ZFPM2: variants seen among roughly 807,000 people sequenced by gnomAD.
ZFPM2 encodes the protein zinc finger protein ZFPM2.
Under a neutral mutation model 98.6 loss-of-function variants are expected in ZFPM2, and 20 were observed. The observed-to-expected ratio is 0.20, with a 90% CI of 0.14 to 0.29. The LOEUF (loss-of-function observed/expected upper bound fraction) is 0.29, where lower values mean the gene tolerates loss of function less well. Among genes scored for constraint, ZFPM2 ranks in the 10% least tolerant of loss-of-function variants. ZFPM2 has a pLI of 1.00. For missense variants in ZFPM2, 1,310 were observed against 1,388.6 expected, an observed-to-expected ratio of 0.94 and a Z score of 0.90; for synonymous variants, 518 against 502.7, an observed-to-expected ratio of 1.03 and a Z score of -0.41.
chr8:105,454,144 G>A (rs1338632162), intron 3 of ZFPM2, among the ~76,000 whole-genome samples: 5 of 151,796 alleles, frequency 3.3e-5, no homozygotes, highest in African/African-American at 7.3e-5. Flanking sequence ...AAGTCTTTTC[G>A]AATGGAGAGC....
chr8:105,536,319 G>T (rs1814449519), intron 3 of ZFPM2, among the ~76,000 whole-genome samples: 1 of 151,720 alleles, frequency 6.6e-6, no homozygotes, highest in Non-Finnish European at 1.5e-5. Flanking sequence ...ATTATTATTG[G>T]TAGGTGATTG....
At chr8:105,518,122 T>C (rs1247514881) in intron 3 of ZFPM2, among the ~76,000 whole-genome samples, 1 of 152,192 alleles carries the variant, frequency 6.6e-6, no homozygotes, top group Non-Finnish European at 1.5e-5. Flanking sequence ...TAGACACCTT[T>C]TTTGAAACTA....
chr8:105,459,618 C>T (rs1180621328), intron 3 of ZFPM2, among the ~76,000 whole-genome samples: 1 of 152,160 alleles, frequency 6.6e-6, no homozygotes, highest in Non-Finnish European at 1.5e-5. Flanking sequence ...CTAGTGAGGC[C>T]TCTCTTCCTA....
At chr8:105,418,770 C>A in intron 1 of ZFPM2, 1 of 501,844 alleles carries the variant, frequency 2.0e-6, no homozygotes, top group South Asian at 1.5e-5. Flanking sequence ...AATTGTACAA[C>A]AGTGTAAAAG....
At chr8:105,503,403 G>A (rs1162490598) in intron 3 of ZFPM2, among the ~76,000 whole-genome samples, 2 of 152,112 alleles carry the variant, frequency 1.3e-5, no homozygotes, top group African/African-American at 2.4e-5. Flanking sequence ...ATATGCTGGT[G>A]AGCAATAATA....
chr8:105,800,572 AAT>A (rs1007099292), intron 7 of ZFPM2, among the ~76,000 whole-genome samples: 1 of 152,156 alleles, frequency 6.6e-6, no homozygotes, highest in African/African-American at 2.4e-5. Context: ...GCCTCTTTAG[AAT>A]ATAACCTATA....
chr8:105,406,374 C>T (rs924605372), intron 1 of ZFPM2, among the ~76,000 whole-genome samples: 5 of 152,042 alleles, frequency 3.3e-5, no homozygotes, highest in Non-Finnish European at 7.4e-5. Flanking sequence ...AAAGGATTCC[C>T]TATTTAATAA....
intron 1 of ZFPM2, among the ~76,000 whole-genome samples, chr8:105,369,417 G>T (rs1810575671): frequency 6.6e-6 from 1 of 152,068 alleles, no homozygotes; most frequent in Middle Eastern, 3.4e-3. Flanking sequence ...TTTTAACTTG[G>T]GTAATACTAT....
intron 2 of ZFPM2, among the ~76,000 whole-genome samples, chr8:105,422,830 T>C (rs895397320): frequency 2.6e-5 from 4 of 152,182 alleles, no homozygotes; most frequent in Admixed American, 2.0e-4. Context: ...CAACTGCATT[T>C]TATATAAAAC....
intron 3 of ZFPM2, among the ~76,000 whole-genome samples, chr8:105,486,455 G>A (rs1438210003): frequency 1.3e-5 from 2 of 151,876 alleles, no homozygotes; most frequent in African/African-American, 2.4e-5. Context: ...CTAAAACTCT[G>A]GAGGGTTGAA....
chr8:105,654,837 G>A (rs1487284495), intron 5 of ZFPM2, among the ~76,000 whole-genome samples: 4 of 152,132 alleles, frequency 2.6e-5, no homozygotes, highest in African/African-American at 9.7e-5. Context: ...AACTAATGGT[G>A]TCAGATCTGC....
At chr8:105,593,652 G>GA (rs57938920) in intron 4 of ZFPM2, among the ~76,000 whole-genome samples, 27,265 of 109,198 alleles carry the variant, frequency 0.25, 2,487 homozygotes, top group Middle Eastern at 0.32. Context: ...TCCATTCCAA[G>GA]AAAAAAAAAA....
chr8:105,729,538 T>C (rs1296953400), intron 5 of ZFPM2, among the ~76,000 whole-genome samples: 1 of 151,770 alleles, frequency 6.6e-6, no homozygotes, highest in Non-Finnish European at 1.5e-5. Context: ...CCTACATGTT[T>C]TCTTTGTATT....
chr8:105,478,098 A>T (rs1415136517), intron 3 of ZFPM2, among the ~76,000 whole-genome samples: 1 of 152,192 alleles, frequency 6.6e-6, no homozygotes, highest in East Asian at 1.9e-4. Context: ...ACATAACTCT[A>T]CTTCATTGTT....
intron 5 of ZFPM2, among the ~76,000 whole-genome samples, chr8:105,666,774 T>A (rs1817498282): frequency 6.7e-6 from 1 of 149,918 alleles, no homozygotes; most frequent in Admixed American, 6.6e-5. Flanking sequence ...TACAAAATTG[T>A]TCTAAAAGTC....
At chr8:105,464,091 A>G (rs1406919741) in intron 3 of ZFPM2, among the ~76,000 whole-genome samples, 1 of 152,018 alleles carries the variant, frequency 6.6e-6, no homozygotes, top group East Asian at 1.9e-4. Flanking sequence ...CTTGCCTTCC[A>G]CAGACCTCTT....
chr8:105,478,045 T>C (rs1563677165), intron 3 of ZFPM2, among the ~76,000 whole-genome samples: 1 of 152,208 alleles, frequency 6.6e-6, no homozygotes, highest in South Asian at 2.1e-4. Context: ...TCTGGGAACA[T>C]GGAACTCTGA....
At chr8:105,405,839 C>T (rs1311484576) in intron 1 of ZFPM2, among the ~76,000 whole-genome samples, 1 of 152,034 alleles carries the variant, frequency 6.6e-6, no homozygotes, top group African/African-American at 2.4e-5. Context: ...GTTCTAGATC[C>T]CTGACGAATT....
At chr8:105,716,330 T>G (rs1781983024) in intron 5 of ZFPM2, among the ~76,000 whole-genome samples, 1 of 151,584 alleles carries the variant, frequency 6.6e-6, no homozygotes, top group African/African-American at 2.4e-5. Flanking sequence ...GAATAAATGG[T>G]TCTCATATTA....
Sources: gnomAD v4.1 joint callset for allele counts (sites outside exome capture counted in the v4.1 genomes callset) on GRCh38, gnomAD v4.1.1 for gene constraint, MANE v1.5 for transcripts, NCBI Gene and HGNC (gene_info 2026-07-23, HGNC 2026-07-21) for gene names.